Variants in DLC1 observed in about 807,000 individuals in gnomAD.
DLC1 encodes DLC1 Rho GTPase activating protein, also known as rho GTPase-activating protein 7.
Under a neutral mutation model 140.3 loss-of-function variants are expected in DLC1, and 54 were observed. The ratio of observed to expected loss-of-function variants is 0.38; its 90% CI spans 0.31 to 0.48. The LOEUF (loss-of-function observed/expected upper bound fraction) is 0.48. DLC1 is among the 20% of genes least tolerant of loss of function. DLC1 has a pLI of 0.96. For missense variants in DLC1, 2,536 were observed against 1,907.0 expected (o/e 1.33, Z -6.14); for synonymous variants, 986 against 728.1 (o/e 1.35, Z -5.70).
At chr8:13,559,231 A>G (rs1450864533) in intron 1 of DLC1, 1 of 152,284 alleles carries the variant, frequency 6.6e-6, no homozygotes, top group Non-Finnish European at 1.5e-5. Context: ...AGCATGCAGC[A>G]AAAGCATGGG....
intron 2 of DLC1, among the ~76,000 whole-genome samples, chr8:13,407,732 C>T (rs1382528169): frequency 6.6e-6 from 1 of 152,176 alleles, no homozygotes; most frequent in Non-Finnish European, 1.5e-5. Flanking sequence ...GTTCTGGCCC[C>T]TATGCTGTCT....
chr8:13,415,350 T>G (rs1314470764), intron 2 of DLC1, among the ~76,000 whole-genome samples: 2 of 152,150 alleles, frequency 1.3e-5, no homozygotes, highest in Non-Finnish European at 2.9e-5. Context: ...AGGATATGTT[T>G]AATTTTCCCC....
intron 5 of DLC1, among the ~76,000 whole-genome samples, chr8:13,128,932 T>A (rs1436118020): frequency 2.6e-5 from 4 of 151,714 alleles, no homozygotes; most frequent in African/African-American, 9.7e-5. Flanking sequence ...ACATTAATTA[T>A]GATGGCAAGT....
rs1834717407 is a variant in DLC1 at position 13,352,386 on chromosome 8, GTCTT to G, written c.1314+41163_1314+41166del. ...ATTTTGTATTTTTTTACGAGATGGG[GTCTT>G]TCTTTCTCTTGAGACAGGGTCTTGC... On this transcript the variant is annotated intron_variant, in intron 4 of 17. Coordinates refer to ENST00000276297, the MANE Select transcript of DLC1 (RefSeq NM_182643.3). Among the ~76,000 whole-genome samples the G allele has an allele frequency of 2.0e-5, 3 of 152,034 alleles. No individual in the cohort carries two copies. The South Asian group carries it at 6.2e-4, about 32-fold the overall frequency.
chr8:13,375,768 T>G (rs1835952834), intron 4 of DLC1, among the ~76,000 whole-genome samples: 1 of 113,896 alleles, frequency 8.8e-6, no homozygotes, highest in Non-Finnish European at 2.1e-5. Context: ...AGGAATCATT[T>G]ATATTTGTCA....
intron 5 of DLC1, among the ~76,000 whole-genome samples, chr8:13,158,894 T>G (rs1824472575): frequency 6.6e-6 from 1 of 152,042 alleles, no homozygotes; most frequent in South Asian, 2.1e-4. Flanking sequence ...CCAACAGACA[T>G]ACAACTAACA....
rs12546798 is a variant in DLC1 at position 13,302,785 on chromosome 8, C to A, written c.1348+2484G>T. Among the ~76,000 whole-genome samples the A allele has an allele frequency of 2.6e-5, 4 of 151,546 alleles. No homozygotes were observed. In the South Asian group the frequency reaches 8.4e-4, roughly 32 times the overall value. On this transcript the variant is annotated intron_variant, in intron 5 of 17. Transcript: ENST00000276297. ...TCCTATTTAAGAGCTCAATTAACCC[C>A]GAGAAGATTGAGTGGGTCTCCTGCC...
At chr8:13,511,326 T>TG (rs1451618375) in intron 1 of DLC1, among the ~76,000 whole-genome samples, 2 of 151,852 alleles carry the variant, frequency 1.3e-5, no homozygotes, top group African/African-American at 4.8e-5. Context: ...CTTTCACCTT[T>TG]TTTTTTGGCA....
chr8:13,501,560 T>C (rs529628882), intron 1 of DLC1, among the ~76,000 whole-genome samples: 1 of 152,354 alleles, frequency 6.6e-6, no homozygotes, highest in South Asian at 2.1e-4. Context: ...TCTATTCTAT[T>C]GTAAAGGGCC....
chr8:13,195,841 G>T (rs190473062), intron 5 of DLC1, among the ~76,000 whole-genome samples: 1 of 151,786 alleles, frequency 6.6e-6, no homozygotes. Flanking sequence ...TTGGATTTTC[G>T]GAATCATTTA....
chr8:13,137,589 C>T (rs534912750), intron 5 of DLC1, among the ~76,000 whole-genome samples: 2 of 142,516 alleles, frequency 1.4e-5, no homozygotes, highest in African/African-American at 5.2e-5. Context: ...GCTTGGACAT[C>T]AGTTTTTGGT....
chr8:13,160,607 C>G (rs2128984150), intron 5 of DLC1, among the ~76,000 whole-genome samples: 1 of 152,320 alleles, frequency 6.6e-6, no homozygotes, highest in African/African-American at 2.4e-5. Context: ...TCTCTCTTAC[C>G]TGGCATAGGT....
intron 5 of DLC1, among the ~76,000 whole-genome samples, chr8:13,166,592 C>T (rs1825122102): frequency 6.6e-6 from 1 of 152,172 alleles, no homozygotes; most frequent in Admixed American, 6.5e-5. Flanking sequence ...TGTGGCCTCC[C>T]AAAGTGCTGG....
At chr8:13,568,484 G>C (rs757089050) in intron 1 of DLC1, among the ~76,000 whole-genome samples, 1 of 152,132 alleles carries the variant, frequency 6.6e-6, no homozygotes, top group Non-Finnish European at 1.5e-5. Context: ...GAAAGGTATA[G>C]CCTAGAGGTG....
intron 5 of DLC1, among the ~76,000 whole-genome samples, chr8:13,250,819 A>G (rs1210658510): frequency 6.6e-6 from 1 of 152,180 alleles, no homozygotes. Context: ...ATCTTCCCAA[A>G]CAAGCTTCTA....
chr8:13,356,489 T>A (rs1586198021), intron 4 of DLC1, among the ~76,000 whole-genome samples: 1 of 152,240 alleles, frequency 6.6e-6, no homozygotes, highest in Non-Finnish European at 1.5e-5. Flanking sequence ...TCTTTTCAGG[T>A]CCCACCTGAA....
intron 4 of DLC1, among the ~76,000 whole-genome samples, chr8:13,336,557 A>G (rs1833817300): frequency 6.6e-6 from 1 of 152,206 alleles, no homozygotes; most frequent in Admixed American, 6.5e-5. Flanking sequence ...GGTGGCCCAC[A>G]CAGCTCAGCC....
chr8:13,360,030 T>C (rs1015530305), intron 4 of DLC1, among the ~76,000 whole-genome samples: 2 of 152,196 alleles, frequency 1.3e-5, no homozygotes, highest in Admixed American at 1.3e-4. Context: ...ATTATAGTAT[T>C]TATAAAGCTT....
intron 2 of DLC1, among the ~76,000 whole-genome samples, chr8:13,414,568 G>A (rs1215581543): frequency 6.6e-6 from 1 of 152,146 alleles, no homozygotes; most frequent in East Asian, 1.9e-4. Context: ...GAAAAGAATA[G>A]CATTATGACC....
Sources: gnomAD v4.1 joint callset for allele counts (sites outside exome capture counted in the v4.1 genomes callset) on GRCh38, gnomAD v4.1.1 for gene constraint, MANE v1.5 for transcripts, NCBI Gene and HGNC (gene_info 2026-07-23, HGNC 2026-07-21) for gene names.